THRB: variants seen among roughly 807,000 people sequenced by gnomAD.
THRB encodes nuclear receptor subfamily 1 group A member 2.
THRB carries 12 observed loss-of-function variants against 47.8 expected under a neutral mutation model. That is an observed-to-expected ratio of 0.25 (90% CI 0.16 to 0.41). THRB has a LOEUF of 0.41. THRB is among the 10% of genes least tolerant of loss of function. The probability of loss-of-function intolerance (pLI) is 1.00; values close to 1 mark genes in which losing one functional copy is unlikely to be tolerated. For missense variants in THRB, 348 were observed against 589.2 expected, an observed-to-expected ratio of 0.59 and a Z score of 4.24; for synonymous variants, 218 against 212.2, an observed-to-expected ratio of 1.03 and a Z score of -0.24.
Position 24,269,407 on chromosome 3 carries a change from A to G in THRB, c.-43+27819T>C, listed in dbSNP as rs937917505. 7.5e-3 allele frequency among the ~76,000 whole-genome samples: 374 copies of G among 49,720 alleles called. 2 individuals are homozygous for G. The highest frequency in any genetic ancestry group is 0.024 in the African/African-American group (278 of 11,654). The allele number at this position is 49,720 out of a possible 152,430, so 32.6% of individuals were successfully genotyped here. A position where few individuals can be genotyped will look rare whatever the true frequency, so the allele number is the denominator to read the frequency against. On this transcript the variant is annotated intron_variant, in intron 3 of 10. Transcript: ENST00000646209. ...CTCACACGCGCGCGCGCGCGCGCACACACACACACACACACACACACACAC... is the reference window on the plus strand; with the variant it reads ...CTCACACGCGCGCGCGCGCGCGCACGCACACACACACACACACACACACAC...
chr3:24,243,919 A>G (rs1307307801), intron 3 of THRB, among the ~76,000 whole-genome samples: 1 of 152,156 alleles, frequency 6.6e-6, no homozygotes, highest in African/African-American at 2.4e-5. Context: ...AGGGAGGCCC[A>G]GTGACACAAA....
At chr3:24,453,780 T>G (rs1394222326) in intron 1 of THRB, among the ~76,000 whole-genome samples, 1 of 152,198 alleles carries the variant, frequency 6.6e-6, no homozygotes, top group African/African-American at 2.4e-5. Context: ...CTTCTCTACC[T>G]TACCATCTTT....
chr3:24,244,831 G>C (rs75413736), intron 3 of THRB, among the ~76,000 whole-genome samples: 22,688 of 152,126 alleles, frequency 0.15, 2,081 homozygotes, highest in African/African-American at 0.25. Context: ...AACAATAACA[G>C]CACATTGCAA....
At chr3:24,388,783 C>G (rs959602342) in intron 1 of THRB, among the ~76,000 whole-genome samples, 10 of 152,048 alleles carry the variant, frequency 6.6e-5, no homozygotes, top group African/African-American at 1.9e-4. Flanking sequence ...CATCCCTAAC[C>G]TCAAGGCAGG....
At chr3:24,495,541 T>G (rs1698895499), upstream of THRB, 1 of 152,360 alleles carries the variant, frequency 6.6e-6, no homozygotes, top group Admixed American at 6.5e-5. Flanking sequence ...TTGGTGACGG[T>G]GCTGTGGGTT....
intron 5 of THRB, among the ~76,000 whole-genome samples, chr3:24,185,684 G>A (rs12639293): frequency 0.37 from 56,820 of 151,898 alleles, 11,153 homozygotes; most frequent in African/African-American, 0.5. Flanking sequence ...CTGTTTCAGG[G>A]AGGTCCCTGA....
chr3:24,356,122 T>G lies in THRB; in HGVS notation c.-260-18751A>C, dbSNP rs116020268. Among the ~76,000 whole-genome samples, 1,026 of 152,004 alleles carry G rather than the reference T, an allele frequency of 6.7e-3. 17 individuals carry two copies. Among genetic ancestry groups the G allele is most frequent in the Middle Eastern group, 0.034 (10 of 294 alleles). ...TAGACATTCCCATTCCAAACAGAACTAGGAAAAAAGGAGAGGGTGAAGGAT... is the reference window on the plus strand; with the variant it reads ...TAGACATTCCCATTCCAAACAGAACGAGGAAAAAAGGAGAGGGTGAAGGAT... On this transcript the variant is annotated intron_variant, in intron 1 of 10. Transcript: ENST00000646209.
intron 3 of THRB, among the ~76,000 whole-genome samples, chr3:24,272,355 A>G (rs970545295): frequency 1.3e-5 from 2 of 150,702 alleles, no homozygotes; most frequent in East Asian, 1.9e-4. Context: ...CAAAACAACA[A>G]CAACAACAAC....
intron 1 of THRB, among the ~76,000 whole-genome samples, chr3:24,442,985 A>T (rs1200464343): frequency 6.6e-6 from 1 of 152,044 alleles, no homozygotes; most frequent in Non-Finnish European, 1.5e-5. Flanking sequence ...GATCGAGACC[A>T]TCCTGGCCAA....
chr3:24,255,001 C>T (rs555494433), intron 3 of THRB, among the ~76,000 whole-genome samples: 57 of 152,228 alleles, frequency 3.7e-4, no homozygotes, highest in African/African-American at 1.3e-3. Context: ...AAACATACTG[C>T]ACTTATTGTA....
At chr3:24,491,797 T>G (rs1396014995) in intron 1 of THRB, among the ~76,000 whole-genome samples, 3 of 152,204 alleles carry the variant, frequency 2.0e-5, no homozygotes, top group Non-Finnish European at 2.9e-5. Flanking sequence ...GCAATGCTTC[T>G]GGAACTCATA....
chr3:24,222,492 G>T (rs1370966021), intron 4 of THRB, among the ~76,000 whole-genome samples: 1 of 152,094 alleles, frequency 6.6e-6, no homozygotes, highest in African/African-American at 2.4e-5. Flanking sequence ...GTGTACAGCC[G>T]ACTCATCAGG....
At chr3:24,465,628 C>T (rs564752922) in intron 1 of THRB, among the ~76,000 whole-genome samples, 2 of 152,088 alleles carry the variant, frequency 1.3e-5, no homozygotes, top group African/African-American at 4.8e-5. Context: ...GGTCTTGAAC[C>T]CCTGACCTCA....
intron 1 of THRB, among the ~76,000 whole-genome samples, chr3:24,412,671 G>A (rs1159268420): frequency 6.6e-6 from 1 of 151,666 alleles, no homozygotes; most frequent in Non-Finnish European, 1.5e-5. Flanking sequence ...TAAATGAAAA[G>A]GGATATTTAC....
rs115484922 is a variant in THRB at position 24,166,956 on chromosome 3, A to T, written c.284-14466T>A. On this transcript the variant is annotated intron_variant, in intron 5 of 10. Transcript: ENST00000646209. ...ACAAATTATGGGGTGTCTGTTAAGT[A>T]CAAAGCAAGGAGTTGGTGGCTACAG... Among the ~76,000 whole-genome samples, 925 of 152,270 alleles carry T rather than the reference A, an allele frequency of 6.1e-3. 13 individuals are homozygous for T. The highest frequency in any genetic ancestry group is 0.021 in the African/African-American group (857 of 41,564).
intron 3 of THRB, among the ~76,000 whole-genome samples, chr3:24,291,581 C>T (rs2055922668): frequency 6.6e-6 from 1 of 152,082 alleles, no homozygotes; most frequent in Admixed American, 6.5e-5. Context: ...AATGTAAATG[C>T]TATGTAAAGA....
chr3:24,263,705 C>T (rs572439293), intron 3 of THRB, among the ~76,000 whole-genome samples: 1 of 150,800 alleles, frequency 6.6e-6, no homozygotes, highest in African/African-American at 2.4e-5. Context: ...AGAATAGATA[C>T]TTGCTGACTT....
At chr3:24,239,815 T>C (rs2049292990) in intron 3 of THRB, among the ~76,000 whole-genome samples, 1 of 152,176 alleles carries the variant, frequency 6.6e-6, no homozygotes, top group African/African-American at 2.4e-5. Context: ...AAACTATACC[T>C]GGGGACAGTC....
rs562312907 is a variant in THRB, at chr3:24,117,894, C to T, written c.*4990G>A. The T allele has an allele frequency of 6.6e-6, 1 of 152,300 alleles. No homozygotes were observed. Among genetic ancestry groups the T allele is most frequent in the East Asian group, 1.9e-4 (1 of 5,186 alleles). 9.4% of individuals were successfully genotyped at this position (152,300 alleles called of 1,614,324 possible). On this transcript the variant is annotated 3_prime_UTR_variant, in exon 11 of 11. Transcript: ENST00000646209. ...GTTGGCAGCTGATGTTAACATAATT[C>T]CATTAGTAATATTCCTGAATAATTT...
Sources: allele counts gnomAD v4.1 joint callset (sites outside exome capture counted in the v4.1 genomes callset), GRCh38; gene constraint gnomAD v4.1.1; transcripts MANE v1.5; gene names NCBI Gene and HGNC (gene_info 2026-07-23, HGNC 2026-07-21).